Variants in LOC122319696 observed in about 807,000 individuals in gnomAD.
chrX:149,415,393 T>C, the LOC122319696 span, among the ~76,000 whole-genome samples: 1 of 111,580 alleles, frequency 9.0e-6, no homozygotes, highest in African/African-American at 3.3e-5. Flanking sequence ...TTCCCTTTTG[T>C]GCTTGAGATT....
chrX:149,415,499 T>C, the LOC122319696 span, among the ~76,000 whole-genome samples: 1 of 111,446 alleles, frequency 9.0e-6, no homozygotes, highest in Non-Finnish European at 1.9e-5. Flanking sequence ...ACAGTAGTCT[T>C]CTCTACCAGC....
chrX:149,414,978 C>A, the LOC122319696 span, among the ~76,000 whole-genome samples: 1 of 111,460 alleles, frequency 9.0e-6, no homozygotes, highest in Non-Finnish European at 1.9e-5. Flanking sequence ...TTTACAGCAT[C>A]TTGGGCCTGG....
At chrX:149,415,015 C>A in the LOC122319696 span, among the ~76,000 whole-genome samples, 2 of 111,362 alleles carry the variant, frequency 1.8e-5, no homozygotes, top group Admixed American at 9.5e-5. Context: ...CCTACTCAAT[C>A]TTTGCTAGTG....
At chrX:149,414,921 A>G in the LOC122319696 span, among the ~76,000 whole-genome samples, 8 of 111,463 alleles carry the variant, frequency 7.2e-5, no homozygotes, top group African/African-American at 2.6e-4. Flanking sequence ...AATTACCACC[A>G]TCGCTGTTTC....
At chrX:149,415,188 G>A in the LOC122319696 span, among the ~76,000 whole-genome samples, 7 of 111,575 alleles carry the variant, frequency 6.3e-5, no homozygotes, top group East Asian at 1.1e-3. Flanking sequence ...CCTTGTGTTC[G>A]AGGAAGGAGA....
At chrX:149,415,246 A>G in the LOC122319696 span, among the ~76,000 whole-genome samples, 1 of 111,491 alleles carries the variant, frequency 9.0e-6, no homozygotes, top group Non-Finnish European at 1.9e-5. Flanking sequence ...ACATGGGCTA[A>G]TGAGGGGGTT....
chrX:149,415,076 CT>C, the LOC122319696 span, among the ~76,000 whole-genome samples: 36 of 111,095 alleles, frequency 3.2e-4, no homozygotes, highest in East Asian at 9.9e-3. Context: ...AATTTCTGTA[CT>C]AGTACTAGAC....
At chrX:149,415,109 T>A in the LOC122319696 span, among the ~76,000 whole-genome samples, 1 of 111,270 alleles carries the variant, frequency 9.0e-6, no homozygotes, top group Non-Finnish European at 1.9e-5. Context: ...TGAACTCCCA[T>A]GAAGCAGTCG....
chrX:149,415,258 G>A, the LOC122319696 span, among the ~76,000 whole-genome samples: 1 of 111,547 alleles, frequency 9.0e-6, no homozygotes, highest in East Asian at 2.8e-4. Flanking sequence ...GAGGGGGTTT[G>A]TGCCAGGCAG....
At chrX:149,415,397 T>G in the LOC122319696 span, among the ~76,000 whole-genome samples, 1 of 111,053 alleles carries the variant, frequency 9.0e-6, no homozygotes, top group African/African-American at 3.3e-5. Context: ...CTTTTGTGCT[T>G]GAGATTAATT....
chrX:149,415,276 G>A, the LOC122319696 span, among the ~76,000 whole-genome samples: 5 of 111,597 alleles, frequency 4.5e-5, no homozygotes, highest in Admixed American at 2.8e-4. Flanking sequence ...CAGGTAAAGC[G>A]TAGGAGACAT....
At chrX:149,415,362 C>G in the LOC122319696 span, among the ~76,000 whole-genome samples, 10 of 111,305 alleles carry the variant, frequency 9.0e-5, no homozygotes, top group African/African-American at 2.9e-4. Context: ...CCTGGGTTGA[C>G]AGGATTTCTT....
At chrX:149,415,002 G>C in the LOC122319696 span, among the ~76,000 whole-genome samples, 1 of 111,222 alleles carries the variant, frequency 9.0e-6, no homozygotes, top group South Asian at 3.8e-4. Flanking sequence ...GAGTGCTTTG[G>C]CTCCTACTCA....
chrX:149,415,213 G>A, the LOC122319696 span, among the ~76,000 whole-genome samples: 1 of 111,502 alleles, frequency 9.0e-6, no homozygotes, highest in Non-Finnish European at 1.9e-5. Context: ...CACTGAATGA[G>A]AAGAGGAGCT....
the LOC122319696 span, among the ~76,000 whole-genome samples, chrX:149,414,923 C>A: frequency 1.8e-5 from 2 of 111,871 alleles, no homozygotes; most frequent in African/African-American, 6.5e-5. Context: ...TTACCACCAT[C>A]GCTGTTTCAT....
the LOC122319696 span, among the ~76,000 whole-genome samples, chrX:149,415,049 C>T: frequency 5.4e-5 from 6 of 110,983 alleles, no homozygotes; most frequent in African/African-American, 2.0e-4. Context: ...TCTTTTCACT[C>T]TTTTTACCTT....
the LOC122319696 span, among the ~76,000 whole-genome samples, chrX:149,415,355 G>T: frequency 3.6e-5 from 4 of 111,175 alleles, no homozygotes; most frequent in Non-Finnish European, 5.7e-5. Flanking sequence ...TTCTGGCCCT[G>T]GGTTGACAGG....
At chrX:149,415,068 T>C in the LOC122319696 span, among the ~76,000 whole-genome samples, 1 of 111,310 alleles carries the variant, frequency 9.0e-6, no homozygotes, top group Non-Finnish European at 1.9e-5. Flanking sequence ...TTTTGTGGAA[T>C]TTCTGTACTA....
At chrX:149,415,293 G>C in the LOC122319696 span, among the ~76,000 whole-genome samples, 1 of 111,416 alleles carries the variant, frequency 9.0e-6, no homozygotes, top group East Asian at 2.8e-4. Context: ...ACATAGGGGA[G>C]GGTGGATCAA....
Sources: allele counts gnomAD v4.1 joint callset (sites outside exome capture counted in the v4.1 genomes callset), GRCh38; gene constraint gnomAD v4.1.1; transcripts MANE v1.5.